The following DMRT1 variants were observed in gnomAD, a reference collection of about 807,000 sequenced individuals.
DMRT1 encodes the protein doublesex- and mab-3-related transcription factor 1.
In DMRT1, 7 loss-of-function variants were observed where a neutral mutation model predicts 32.3. That is an observed-to-expected ratio of 0.22 (90% confidence interval 0.12 to 0.41). DMRT1 has a LOEUF of 0.41. DMRT1 is among the 10% of genes least tolerant of loss of function. The probability of loss-of-function intolerance (pLI) is 1.00; values close to 1 mark genes in which losing one functional copy is unlikely to be tolerated. For missense variants in DMRT1, 625 were observed against 500.5 expected (o/e 1.25, Z -2.37); for synonymous variants, 278 against 206.1 (o/e 1.35, Z -2.99).
chr9:931,735 C>T (rs571078597), intron 4 of DMRT1, among the ~76,000 whole-genome samples: 1 of 152,286 alleles, frequency 6.6e-6, no homozygotes, highest in South Asian at 2.1e-4. Flanking sequence ...GGACACTAGT[C>T]TTAGAGAGTA....
chr9:920,664 G>C (rs10117069), intron 4 of DMRT1, among the ~76,000 whole-genome samples: 91,449 of 152,062 alleles, frequency 0.6, 29,948 homozygotes, highest in East Asian at 0.87. Context: ...TTCAAGGAAG[G>C]GCCTTGGCTC....
intron 2 of DMRT1, among the ~76,000 whole-genome samples, chr9:854,490 G>T (rs1815304853): frequency 6.6e-6 from 1 of 151,860 alleles, no homozygotes; most frequent in Non-Finnish European, 1.5e-5. Flanking sequence ...TGCCACGTTG[G>T]CCAGGCTGGT....
At chr9:842,428 G>T (rs945826176) in intron 1 of DMRT1, 1 of 575,264 alleles carries the variant, frequency 1.7e-6, no homozygotes, top group Non-Finnish European at 3.0e-6. Flanking sequence ...AGAGACGGGG[G>T]TTTCACCATA....
chr9:918,233 G>A (rs1172910260), intron 4 of DMRT1, among the ~76,000 whole-genome samples: 2 of 152,230 alleles, frequency 1.3e-5, no homozygotes. Context: ...TGGCCTGTCT[G>A]CACAATTTGG....
intron 4 of DMRT1, among the ~76,000 whole-genome samples, chr9:966,911 T>C (rs1819948571): frequency 6.6e-6 from 1 of 152,240 alleles, no homozygotes; most frequent in Non-Finnish European, 1.5e-5. Context: ...CATCATAGAT[T>C]TCCCTATTGA....
In DMRT1 at chr9:916,979, G is replaced by A. The variant is rs542789235; in HGVS notation, c.967+72G>A. 8.0e-6 allele frequency: 12 copies of A among 1,495,656 alleles called. No individual in the cohort carries two copies. In the Admixed American group the frequency reaches 1.0e-4, roughly 13 times the overall value. 92.6% of individuals were successfully genotyped at this position (1,495,656 alleles called of 1,614,324 possible). On this transcript the variant is annotated intron_variant, in intron 4 of 4. Transcript: ENST00000382276. ...GCTATCCAGTATTGGGTCATTAGCT[G>A]TGTCTAATGGCTTAGCTGTTAGTAA...
At chr9:907,439 C>T (rs1178214392) in intron 3 of DMRT1, among the ~76,000 whole-genome samples, 1 of 152,120 alleles carries the variant, frequency 6.6e-6, no homozygotes, top group Admixed American at 6.6e-5. Flanking sequence ...TGAGCTAGTC[C>T]CAGCCAGACA....
At chr9:938,537 T>A (rs1368794427) in intron 4 of DMRT1, among the ~76,000 whole-genome samples, 1 of 152,232 alleles carries the variant, frequency 6.6e-6, no homozygotes, top group African/African-American at 2.4e-5. Flanking sequence ...GTATTGTAAA[T>A]AGAATTTCTT....
chr9:846,288 C>T (rs1414140403), intron 1 of DMRT1, among the ~76,000 whole-genome samples: 1 of 152,132 alleles, frequency 6.6e-6, no homozygotes, highest in South Asian at 2.1e-4. Context: ...CCACCTCTGC[C>T]TCCCAAAGTG....
chr9:887,930 T>C (rs1183772002), intron 2 of DMRT1, among the ~76,000 whole-genome samples: 4 of 152,254 alleles, frequency 2.6e-5, no homozygotes, highest in African/African-American at 9.6e-5. Flanking sequence ...ATAGTTGTTA[T>C]ATGATAACTA....
chr9:919,124 G>A (rs961379558), intron 4 of DMRT1, among the ~76,000 whole-genome samples: 30 of 152,166 alleles, frequency 2.0e-4, no homozygotes, highest in African/African-American at 6.5e-4. Flanking sequence ...CCAGTTACAT[G>A]TGGCAGATCC....
At chr9:935,568 A>C (rs1163279714) in intron 4 of DMRT1, among the ~76,000 whole-genome samples, 4 of 152,232 alleles carry the variant, frequency 2.6e-5, no homozygotes, top group African/African-American at 4.8e-5. Context: ...TCGCTTCCGC[A>C]TACCAGTCTC....
At chr9:904,930 G>A (rs1178329734) in intron 3 of DMRT1, among the ~76,000 whole-genome samples, 1 of 118,212 alleles carries the variant, frequency 8.5e-6, no homozygotes, top group Non-Finnish European at 1.7e-5. Flanking sequence ...CAACAAGAAC[G>A]AAACTCCGTC....
At chr9:949,865 C>A (rs1190350586) in intron 4 of DMRT1, among the ~76,000 whole-genome samples, 2 of 152,204 alleles carry the variant, frequency 1.3e-5, no homozygotes, top group Non-Finnish European at 2.9e-5. Context: ...CCTCCAGGTT[C>A]ATTCCGTTGC....
chr9:915,755 C>T (rs1347092510), intron 3 of DMRT1, among the ~76,000 whole-genome samples: 1 of 149,640 alleles, frequency 6.7e-6, no homozygotes, highest in Non-Finnish European at 1.5e-5. Flanking sequence ...ATTTTTTAGA[C>T]AGAGTCTCGC....
At chr9:949,346 G>GAGAC (rs1785233122) in intron 4 of DMRT1, among the ~76,000 whole-genome samples, 2 of 145,664 alleles carry the variant, frequency 1.4e-5, no homozygotes, top group Non-Finnish European at 3.0e-5. Context: ...TGAAGCCTGG[G>GAGAC]AGAGCAAGAC....
intron 2 of DMRT1, among the ~76,000 whole-genome samples, chr9:887,928 T>TA (rs1256614523): frequency 6.6e-6 from 1 of 152,242 alleles, no homozygotes; most frequent in African/African-American, 2.4e-5. Flanking sequence ...ACATAGTTGT[T>TA]ATATGATAAC....
chr9:853,357 G>A (rs894884637), intron 2 of DMRT1, among the ~76,000 whole-genome samples: 10 of 152,062 alleles, frequency 6.6e-5, no homozygotes, highest in Admixed American at 4.6e-4. Flanking sequence ...AGTATTCACA[G>A]CATTGCCACT....
chr9:866,182 A>AAAAAAAAAC (rs1433080177), intron 2 of DMRT1, among the ~76,000 whole-genome samples: 1 of 151,216 alleles, frequency 6.6e-6, no homozygotes, highest in Non-Finnish European at 1.5e-5. Flanking sequence ...AAAAAAAAAA[A>AAAAAAAAAC]AAAAGACAGT....
Sources: gnomAD v4.1 joint callset for allele counts (sites outside exome capture counted in the v4.1 genomes callset) on GRCh38, gnomAD v4.1.1 for gene constraint, MANE v1.5 for transcripts, NCBI Gene and HGNC (gene_info 2026-07-23, HGNC 2026-07-21) for gene names.